Variants in TLK1 observed in about 807,000 individuals in gnomAD.
TLK1 encodes tousled like kinase 1, also known as serine/threonine-protein kinase tousled-like 1.
Under a neutral mutation model 105.3 loss-of-function variants are expected in TLK1, and 24 were observed. That is an observed-to-expected ratio of 0.23 (90% confidence interval 0.17 to 0.32). TLK1 has a LOEUF of 0.32. Among genes scored for constraint, TLK1 ranks in the 10% least tolerant of loss-of-function variants. TLK1 has a pLI of 1.00. For missense variants in TLK1, 558 were observed against 910.5 expected (o/e 0.61, Z 4.98); for synonymous variants, 321 against 310.4 (o/e 1.03, Z -0.36).
chr2:171,030,899 A>G (rs373851582), intron 11 of TLK1, among the ~76,000 whole-genome samples: 3 of 152,232 alleles, frequency 2.0e-5, no homozygotes, highest in African/African-American at 4.8e-5. Context: ...TATAACTGCA[A>G]AGCTCCTACA....
chr2:171,224,829 C>T (rs1040027993), intron 1 of TLK1, among the ~76,000 whole-genome samples: 1 of 152,220 alleles, frequency 6.6e-6, no homozygotes, highest in South Asian at 2.1e-4. Flanking sequence ...GCAATCAAGA[C>T]AGTGATACTG....
chr2:171,148,138 C>T (rs1220439690), intron 1 of TLK1, among the ~76,000 whole-genome samples: 1 of 152,188 alleles, frequency 6.6e-6, no homozygotes, highest in Non-Finnish European at 1.5e-5. Flanking sequence ...GATCCGCCCA[C>T]CTCGGCCTCC....
chr2:171,086,947 G>A (rs778308153), intron 2 of TLK1, among the ~76,000 whole-genome samples: 2 of 152,158 alleles, frequency 1.3e-5, no homozygotes, highest in Non-Finnish European at 2.9e-5. Flanking sequence ...AAACGGAGCA[G>A]ACGATAAGCA....
intron 1 of TLK1, among the ~76,000 whole-genome samples, chr2:171,137,274 CCT>C (rs1421466921): frequency 6.6e-6 from 1 of 150,504 alleles, no homozygotes; most frequent in Non-Finnish European, 1.5e-5. Context: ...AGAGTGAGAC[CCT>C]GTTTCAAAAA....
chr2:171,083,679 C>T (rs1412095133), intron 2 of TLK1, among the ~76,000 whole-genome samples: 1 of 152,136 alleles, frequency 6.6e-6, no homozygotes, highest in Admixed American at 6.5e-5. Flanking sequence ...ACAGGAGTGG[C>T]TGCTAATCCT....
chr2:171,183,774 C>T (rs1025031366), intron 1 of TLK1, among the ~76,000 whole-genome samples: 5 of 152,206 alleles, frequency 3.3e-5, no homozygotes, highest in East Asian at 1.9e-4. Flanking sequence ...TACATTTTTT[C>T]ATACTTTGTT....
At chr2:171,171,584 T>A (rs1692730811) in intron 1 of TLK1, among the ~76,000 whole-genome samples, 1 of 150,068 alleles carries the variant, frequency 6.7e-6, no homozygotes, top group African/African-American at 2.4e-5. Flanking sequence ...GACAAAGGAC[T>A]TGTATTCAGA....
intron 12 of TLK1, among the ~76,000 whole-genome samples, chr2:171,016,633 ACT>A (rs1169092228): frequency 6.6e-6 from 1 of 152,220 alleles, no homozygotes; most frequent in East Asian, 1.9e-4. Flanking sequence ...TCAAAATATA[ACT>A]CTGAAATTTA....
intron 8 of TLK1, 113 bp downstream of exon 8, chr2:171,053,648 A>C: frequency 1.3e-6 from 1 of 784,840 alleles, no homozygotes; most frequent in Non-Finnish European, 2.0e-6. Context: ...GGCATGAGCC[A>C]CTGCGCCTGG....
chr2:171,043,886 T>C (rs934723260), intron 11 of TLK1, among the ~76,000 whole-genome samples: 1 of 152,186 alleles, frequency 6.6e-6, no homozygotes, highest in Non-Finnish European at 1.5e-5. Context: ...GCCCACACTT[T>C]CTTTTAATAC....
chr2:171,202,128 CA>C (rs1693415241), intron 1 of TLK1, among the ~76,000 whole-genome samples: 1 of 152,144 alleles, frequency 6.6e-6, no homozygotes, highest in Non-Finnish European at 1.5e-5. Flanking sequence ...ATTTGAATTT[CA>C]GACAAATAAC....
At chr2:171,033,518 C>A (rs1686153855) in intron 11 of TLK1, among the ~76,000 whole-genome samples, 1 of 148,952 alleles carries the variant, frequency 6.7e-6, no homozygotes, top group South Asian at 2.1e-4. Flanking sequence ...AAGAGGATGA[C>A]AACAGTCAAC....
chr2:171,226,549 A>G (rs1256558599), intron 1 of TLK1, among the ~76,000 whole-genome samples: 1 of 152,194 alleles, frequency 6.6e-6, no homozygotes, highest in African/African-American at 2.4e-5. Context: ...TTATGAAGAA[A>G]ACAGAATTCT....
intron 1 of TLK1, among the ~76,000 whole-genome samples, chr2:171,148,643 G>C (rs1372581271): frequency 6.6e-6 from 1 of 152,040 alleles, no homozygotes; most frequent in South Asian, 2.1e-4. Flanking sequence ...AGCACTTTAG[G>C]AGGCCCAGAA....
Position 171,005,728 on chromosome 2 carries a change from G to A in TLK1, c.1904+419C>T, listed in dbSNP as rs533427140. On this transcript the variant is annotated intron_variant, in intron 18 of 20. Transcript: ENST00000431350. ...GCAAGACCCTGTCTCAAAATAAAAT[G>A]AAAATTCCTGCAACCATATAACCTC... 6.6e-5 allele frequency among the ~76,000 whole-genome samples: 10 copies of A among 152,252 alleles called. No individual in the cohort carries two copies. In the East Asian group the frequency reaches 1.3e-3, roughly 21 times the overall value.
chr2:171,096,593 C>G lies in TLK1; in HGVS notation c.259-13741G>C, dbSNP rs1000403230. 3.3e-4 allele frequency among the ~76,000 whole-genome samples: 50 copies of G among 151,848 alleles called. 1 individual carries two copies. The highest frequency in any genetic ancestry group is 1.1e-3 in the African/African-American group (47 of 41,432). ...CCAACACAGTGAAACTCCATCTCTA[C>G]CAAAAAATACAAAAATTAGCCAGGC... On this transcript the variant is annotated intron_variant, in intron 2 of 20. Coordinates refer to ENST00000431350, the MANE Select transcript of TLK1 (RefSeq NM_012290.5).
At chr2:170,999,173 A>G (rs1033405186) in intron 18 of TLK1, among the ~76,000 whole-genome samples, 3 of 152,260 alleles carry the variant, frequency 2.0e-5, no homozygotes, top group Admixed American at 1.3e-4. Flanking sequence ...AAAAATTTAG[A>G]TAAACTTAAA....
chr2:171,175,047 C>A (rs749000195), intron 1 of TLK1, among the ~76,000 whole-genome samples: 1 of 151,982 alleles, frequency 6.6e-6, no homozygotes, highest in Non-Finnish European at 1.5e-5. Context: ...CTGGGCAACA[C>A]GGCAAGGCCC....
At chr2:171,210,865 G>C (rs1285163535) in intron 1 of TLK1, among the ~76,000 whole-genome samples, 1 of 152,204 alleles carries the variant, frequency 6.6e-6, no homozygotes, top group Non-Finnish European at 1.5e-5. Flanking sequence ...AGGCTTCTCT[G>C]ACTGTTACCA....
Sources: allele counts gnomAD v4.1 joint callset (sites outside exome capture counted in the v4.1 genomes callset), GRCh38; gene constraint gnomAD v4.1.1; transcripts MANE v1.5; gene names NCBI Gene and HGNC (gene_info 2026-07-23, HGNC 2026-07-21).